Variants in TNKS observed in about 807,000 individuals in gnomAD.
TNKS encodes the protein tankyrase.
TNKS carries 72 observed loss-of-function variants against 135.8 expected under a neutral mutation model. The ratio of observed to expected loss-of-function variants is 0.53; its 90% CI spans 0.44 to 0.64. The LOEUF (loss-of-function observed/expected upper bound fraction) is 0.64, where lower values mean the gene tolerates loss of function less well. TNKS is among the 30% of genes least tolerant of loss of function. The pLI is 0.00. For synonymous variants in TNKS, 849 were observed against 649.3 expected (o/e 1.31, Z -4.68); for missense variants, 1,769 against 1,674.0 (o/e 1.06, Z -0.99).
Position 9,776,682 on chromosome 8 carries a change from C to A in TNKS, c.3930C>A (p.Ile1310=), listed in dbSNP as rs762998458. 1 of 1,614,052 alleles carries A rather than the reference C, an allele frequency of 6.2e-7. No individual in the cohort carries two copies. Among genetic ancestry groups the A allele is most frequent in the East Asian group, 2.2e-5 (1 of 44,884 alleles). The change falls in exon 27 of 27, where the codon ATC becomes ATA. Residue 1310 remains isoleucine, a synonymous_variant. Coordinates refer to ENST00000310430, the MANE Select transcript of TNKS (RefSeq NM_003747.3). ...AYPEYLITYQ[I]MKPEAPSQTA... ...CAGAGTATCTTATCACTTACCAGATCATGAAGCCAGAAGCCCCTTCCCAGA... is the reference window on the plus strand; with the variant it reads ...CAGAGTATCTTATCACTTACCAGATAATGAAGCCAGAAGCCCCTTCCCAGA...
intron 2 of TNKS, among the ~76,000 whole-genome samples, chr8:9,589,854 G>A (rs1430856629): frequency 1.3e-5 from 2 of 152,248 alleles, no homozygotes; most frequent in African/African-American, 4.8e-5. Context: ...CTTTGTGAAA[G>A]AAGTCTTCTG....
At chr8:9,721,134 G>C (rs1326191220) in intron 12 of TNKS, among the ~76,000 whole-genome samples, 3 of 151,568 alleles carry the variant, frequency 2.0e-5, no homozygotes, top group Non-Finnish European at 4.4e-5. Flanking sequence ...ACAAAAATTA[G>C]CTGGGCGGAG....
chr8:9,759,756 C>T (rs13259899), intron 20 of TNKS, among the ~76,000 whole-genome samples: 3 of 152,072 alleles, frequency 2.0e-5, no homozygotes, highest in Admixed American at 6.5e-5. Context: ...GGGCAGATCA[C>T]GAGGTCAGGA....
At chr8:9,758,246 A>T (rs1310730290) in intron 20 of TNKS, among the ~76,000 whole-genome samples, 1 of 152,168 alleles carries the variant, frequency 6.6e-6, no homozygotes, top group Non-Finnish European at 1.5e-5. Context: ...TTGGATGATG[A>T]ATGGTTGGAT....
chr8:9,629,807 T>C (rs1037896003), intron 3 of TNKS, among the ~76,000 whole-genome samples: 15 of 152,206 alleles, frequency 9.9e-5, no homozygotes, highest in Admixed American at 5.2e-4. Context: ...CTCAGCCTCC[T>C]GAGTAGCTGG....
intron 3 of TNKS, among the ~76,000 whole-genome samples, chr8:9,649,878 C>CTTTTTTTTTTTT (rs71201959): frequency 9.6e-5 from 8 of 83,370 alleles, no homozygotes; most frequent in African/African-American, 3.7e-4. Flanking sequence ...CTTTTCTTTT[C>CTTTTTTTTTTTT]TTTTTTTTTT....
chr8:9,685,239 G>C (rs1802940706), intron 5 of TNKS, among the ~76,000 whole-genome samples: 1 of 152,100 alleles, frequency 6.6e-6, no homozygotes, highest in African/African-American at 2.4e-5. Context: ...AGACACCATA[G>C]AAAAACTGTG....
At chr8:9,669,424 C>CAAAAAA (rs536063027) in intron 3 of TNKS, among the ~76,000 whole-genome samples, 1 of 94,890 alleles carries the variant, frequency 1.1e-5, no homozygotes, top group African/African-American at 4.1e-5. Context: ...GACTCCGCCT[C>CAAAAAA]AAAAAAAAAA....
chr8:9,613,146 A>G (rs1421764738), intron 2 of TNKS, among the ~76,000 whole-genome samples: 1 of 152,206 alleles, frequency 6.6e-6, no homozygotes, highest in Non-Finnish European at 1.5e-5. Context: ...ATTGTCAGCT[A>G]CAGTTGAGAC....
chr8:9,753,735 G>T (rs867947450), intron 20 of TNKS, among the ~76,000 whole-genome samples: 2 of 152,180 alleles, frequency 1.3e-5, no homozygotes, highest in Admixed American at 1.3e-4. Context: ...TAGTCCTCCA[G>T]CCAAGGAAGA....
chr8:9,579,007 G>T (rs1032991419), intron 1 of TNKS, among the ~76,000 whole-genome samples: 2 of 152,100 alleles, frequency 1.3e-5, no homozygotes, highest in Admixed American at 6.6e-5. Context: ...ACTGGACTTT[G>T]CATAATGTTG....
chr8:9,585,177 A>C (rs144715503), intron 2 of TNKS, among the ~76,000 whole-genome samples: 2 of 151,800 alleles, frequency 1.3e-5, no homozygotes, highest in African/African-American at 4.8e-5. Flanking sequence ...TTTTTTTTTC[A>C]GAGGAAACAA....
chr8:9,767,492 C>G (rs1466367362), intron 25 of TNKS, among the ~76,000 whole-genome samples: 2 of 152,248 alleles, frequency 1.3e-5, no homozygotes, highest in Non-Finnish European at 2.9e-5. Flanking sequence ...AATTTCAGAA[C>G]AAGGATCTCT....
At position 9,635,173 on chromosome 8, in the gene TNKS, G is replaced by GA. The variant is rs35383195; in HGVS notation, c.994+19513dup. On this transcript the variant is annotated intron_variant, in intron 3 of 26. Coordinates refer to ENST00000310430, the MANE Select transcript of TNKS (RefSeq NM_003747.3). The stretch of plus-strand genomic sequence containing the variant: ...CGACAGAGCGAGACTCCGTCTCGGG[G>GA]AAAAAAAAAAAAAAAAAGTAATGAA... Among the ~76,000 whole-genome samples, 312 of 129,192 alleles carry GA rather than the reference G, an allele frequency of 2.4e-3. 1 individual carries two copies. The highest frequency in any genetic ancestry group is 0.012 in the Middle Eastern group (3 of 248). The allele number at this position is 129,192 out of a possible 152,430, so 84.8% of individuals were successfully genotyped here.
chr8:9,660,303 A>C (rs1206290859), intron 3 of TNKS, among the ~76,000 whole-genome samples: 1 of 152,214 alleles, frequency 6.6e-6, no homozygotes, highest in African/African-American at 2.4e-5. Flanking sequence ...ATTTTAGACC[A>C]ATATCCTTGA....
intron 5 of TNKS, among the ~76,000 whole-genome samples, chr8:9,698,507 T>C (rs1225144310): frequency 6.6e-6 from 1 of 152,166 alleles, no homozygotes; most frequent in Non-Finnish European, 1.5e-5. Context: ...CTTTAATCTG[T>C]AAAACATTCC....
chr8:9,774,061 A>AAAGAT (rs112187598), intron 26 of TNKS, among the ~76,000 whole-genome samples: 2,308 of 152,222 alleles, frequency 0.015, 58 homozygotes, highest in African/African-American at 0.053. Flanking sequence ...TGAAGATTGA[A>AAAGAT]AAGATATATT....
At chr8:9,660,468 G>T (rs139201103) in intron 3 of TNKS, among the ~76,000 whole-genome samples, 1 of 152,038 alleles carries the variant, frequency 6.6e-6, no homozygotes, top group Non-Finnish European at 1.5e-5. Context: ...AGCATGTAAA[G>T]AGAACCAAAG....
rs1807736328 is a variant in TNKS at position 9,770,160 on chromosome 8, C to A, written c.3795C>A (p.Thr1265=). The change falls in exon 26 of 27, where the codon ACC becomes ACA. Residue 1265 remains threonine (T), a synonymous_variant. Coordinates refer to ENST00000310430, the MANE Select transcript of TNKS (RefSeq NM_003747.3). ...TLGKSFLQFS[T]MKMAHAPPGH... is the part of the protein sequence containing the mutation. ...GGAAATCCTTTCTGCAGTTTAGCACCATGAAAATGGCCCACGCGCCTCCAG... is the reference window on the plus strand; with the variant it reads ...GGAAATCCTTTCTGCAGTTTAGCACAATGAAAATGGCCCACGCGCCTCCAG... 1.9e-6 allele frequency: 3 copies of A among 1,613,212 alleles called. No homozygotes were observed. The highest frequency in any genetic ancestry group is 1.7e-5 in the Admixed American group (1 of 59,986).
Sources: gnomAD v4.1 joint callset for allele counts (sites outside exome capture counted in the v4.1 genomes callset) on GRCh38, gnomAD v4.1.1 for gene constraint, MANE v1.5 for transcripts, NCBI Gene and HGNC (gene_info 2026-07-23, HGNC 2026-07-21) for gene names.